The following PHACTR2 variants were observed in gnomAD, a reference collection of about 807,000 sequenced individuals.
PHACTR2 encodes phosphatase and actin regulator 2.
A neutral mutation model predicts 76.0 loss-of-function variants in PHACTR2; 30 were observed. The ratio of observed to expected loss-of-function variants is 0.39; its 90% CI spans 0.30 to 0.54. The LOEUF is 0.54. Among genes scored for constraint, PHACTR2 ranks in the 20% least tolerant of loss-of-function variants. The probability of loss-of-function intolerance (pLI) is 0.61; values close to 1 mark genes in which losing one functional copy is unlikely to be tolerated. For synonymous variants in PHACTR2, 292 were observed against 292.5 expected (o/e 1.00, Z 0.02); for missense variants, 696 against 781.1 (o/e 0.89, Z 1.30).
Position 143,678,016 on chromosome 6 carries a change from C to A in PHACTR2, c.-148C>A. 1 of 1,478,538 alleles carries A rather than the reference C, an allele frequency of 6.8e-7. No homozygotes were observed. The highest frequency in any genetic ancestry group is 9.0e-7 in the Non-Finnish European group (1 of 1,110,994). 91.6% of individuals were successfully genotyped at this position (1,478,538 alleles called of 1,614,324 possible). A position where few individuals can be genotyped will look rare whatever the true frequency, so the allele number is the denominator to read the frequency against. ...GGCTGCGGCCGGCCGGGCTGGGAGA[C>A]CCGCGCGGGGTAGAAGGTGAGGGGA... On this transcript the variant is annotated 5_prime_UTR_variant, in exon 1 of 13. Transcript: ENST00000440869. The surrounding 1 kb of genome is among the most constrained non-coding windows in gnomAD (Gnocchi z 6.2).
Position 143,753,528 on chromosome 6 carries a change from C to G in PHACTR2, c.296-226C>G, listed in dbSNP as rs1050621825. Among the ~76,000 whole-genome samples the G allele has an allele frequency of 3.3e-5, 5 of 152,122 alleles. No homozygotes were observed. Among genetic ancestry groups the G allele is most frequent in the African/African-American group, 1.2e-4 (5 of 41,418 alleles). Reference sequence around the variant, plus strand: ...TATTGGATAATTAGGATGATCATTCCTGTTGTCTTGAAATGGCGCATAGAT... The same window carrying G: ...TATTGGATAATTAGGATGATCATTCGTGTTGTCTTGAAATGGCGCATAGAT... On this transcript the variant is annotated intron_variant, in intron 3 of 12. Coordinates refer to ENST00000440869, the MANE Select transcript of PHACTR2 (RefSeq NM_001100164.2). This position sits in a 1 kb window ranked among gnomAD's most constrained non-coding sequence, Gnocchi z 4.6.
rs115391785 is a variant in PHACTR2, at chr6:143,624,733, G to A, written c.13+16411G>A. ...CCACGGTTGCCCTGGATCAGCTGAGGTGGTTACTAGAGAGGCTGAGTGTGT... is the reference window on the plus strand; with the variant it reads ...CCACGGTTGCCCTGGATCAGCTGAGATGGTTACTAGAGAGGCTGAGTGTGT... On this transcript the variant is annotated intron_variant, in intron 1 of 11. Coordinates refer to the PHACTR2 transcript ENST00000305766. This position sits in a 1 kb window ranked among gnomAD's most constrained non-coding sequence, Gnocchi z 4.6. Among the ~76,000 whole-genome samples the A allele has an allele frequency of 7.4e-3, 1,132 of 152,208 alleles. 19 individuals carry two copies. Among genetic ancestry groups the A allele is most frequent in the African/African-American group, 0.024 (1,014 of 41,538 alleles).
intron 1 of PHACTR2, among the ~76,000 whole-genome samples, chr6:143,572,214 C>T (rs1423355551): frequency 6.6e-6 from 1 of 152,196 alleles, no homozygotes; most frequent in Non-Finnish European, 1.5e-5. Flanking sequence ...TGCAGTTTAG[C>T]TCCTCACTGG....
chr6:143,769,270 G>A (rs1775036175), intron 6 of PHACTR2, among the ~76,000 whole-genome samples: 1 of 152,066 alleles, frequency 6.6e-6, no homozygotes, highest in Non-Finnish European at 1.5e-5. Flanking sequence ...AGCCCATTTG[G>A]AGGCCATATC....
Position 143,678,256 on chromosome 6 carries a change from G to T in PHACTR2, c.46+47G>T, listed in dbSNP as rs889248651. 7.1e-7 allele frequency: 1 copy of T among 1,407,752 alleles called. No individual in the cohort carries two copies. Among genetic ancestry groups the T allele is most frequent in the East Asian group, 3.0e-5 (1 of 33,540 alleles). 87.2% of individuals were successfully genotyped at this position (1,407,752 alleles called of 1,614,324 possible). ...TGCGCTCCCGCCGCGCGGGCGCAGG[G>T]CTGGCGGCGGGGCCCCGGGGCAGGC... is the stretch of plus-strand genomic sequence containing the variant. On this transcript the variant is annotated intron_variant, in intron 1 of 12. Transcript: ENST00000440869. The surrounding 1 kb of genome is among the most constrained non-coding windows in gnomAD (Gnocchi z 6.2).
chr6:143,772,150 C>T lies in PHACTR2; in HGVS notation c.1233-108C>T. 1 of 754,138 alleles carries T rather than the reference C, an allele frequency of 1.3e-6. No homozygotes were observed. The highest frequency in any genetic ancestry group is 2.5e-5 in the East Asian group (1 of 40,390). 46.7% of individuals were successfully genotyped at this position (754,138 alleles called of 1,614,324 possible). A position where few individuals can be genotyped will look rare whatever the true frequency, so the allele number is the denominator to read the frequency against. ...TGGCCTATGTCAAGTGTCTGCTTTC[C>T]TCAGCCTGAAGGAAGCCCATGAAAC... On this transcript the variant is annotated intron_variant, in intron 6 of 12. Transcript: ENST00000440869. The surrounding 1 kb of genome is among the most constrained non-coding windows in gnomAD (Gnocchi z 5.4).
At chr6:143,786,194 C>A (rs1482399277) in intron 10 of PHACTR2, among the ~76,000 whole-genome samples, 1 of 152,202 alleles carries the variant, frequency 6.6e-6, no homozygotes, top group Non-Finnish European at 1.5e-5. Flanking sequence ...TTAGAAATTT[C>A]TTCTGCCAGA....
In PHACTR2 at chr6:143,704,059, A is replaced by G. The variant is rs116994378; in HGVS notation, c.47-7957A>G. Among the ~76,000 whole-genome samples, 203 of 122,954 alleles carry G rather than the reference A, an allele frequency of 1.7e-3. 5 individuals carry two copies. The East Asian group carries it at 0.048, about 29-fold the overall frequency. 80.7% of individuals were successfully genotyped at this position (122,954 alleles called of 152,430 possible). A position where few individuals can be genotyped will look rare whatever the true frequency, so the allele number is the denominator to read the frequency against. ...CAGCCAGCCTTGATTTATTCACTTC[A>G]TGGTAAGTCCATCATGGGTGTGTGT... is the stretch of plus-strand genomic sequence containing the variant. On this transcript the variant is annotated intron_variant, in intron 1 of 12. Coordinates refer to ENST00000440869, the MANE Select transcript of PHACTR2 (RefSeq NM_001100164.2).
chr6:143,653,756 A>G lies in PHACTR2; in HGVS notation c.13+45434A>G, dbSNP rs948839932. Among the ~76,000 whole-genome samples, 5 of 152,282 alleles carry G rather than the reference A, an allele frequency of 3.3e-5. No homozygotes were observed. Among genetic ancestry groups the G allele is most frequent in the African/African-American group, 2.4e-5 (1 of 41,558 alleles). On this transcript the variant is annotated intron_variant, in intron 1 of 11. Transcript: ENST00000305766. The surrounding 1 kb of genome is among the most constrained non-coding windows in gnomAD (Gnocchi z 4.9). The stretch of plus-strand genomic sequence containing the variant: ...AGACCTAGATGTAAGAGCTAAAACT[A>G]TAACAGGCTTAGAAGAAAACATAGG...
chr6:143,628,696 G>A (rs1776301781), intron 1 of PHACTR2, among the ~76,000 whole-genome samples: 1 of 151,746 alleles, frequency 6.6e-6, no homozygotes, highest in Admixed American at 6.6e-5. Context: ...TGCCATATAA[G>A]GTACCATTTA....
Position 143,556,991 on chromosome 6 carries a change from G to C in PHACTR2, c.217+19784G>C, listed in dbSNP as rs753775280. Among the ~76,000 whole-genome samples the C allele has an allele frequency of 6.6e-6, 1 of 152,112 alleles. No homozygotes were observed. Among genetic ancestry groups the C allele is most frequent in the Non-Finnish European group, 1.5e-5 (1 of 68,028 alleles). On this transcript the variant is annotated intron_variant, in intron 1 of 11. Transcript: ENST00000367584. This position sits in a 1 kb window ranked among gnomAD's most constrained non-coding sequence, Gnocchi z 4.3. ...ACAAAAATGAGGCCAGAAAGAAAGG[G>C]CCTCCCTCCCTAACCCCAGCCTCAG... is the stretch of plus-strand genomic sequence containing the variant.
intron 1 of PHACTR2, among the ~76,000 whole-genome samples, chr6:143,632,312 T>C (rs1776375960): frequency 6.6e-6 from 1 of 152,256 alleles, no homozygotes; most frequent in Non-Finnish European, 1.5e-5. Flanking sequence ...TTCTATCTTG[T>C]ATTTTACCTA....
At chr6:143,729,552 T>TA (rs1280959843) in intron 2 of PHACTR2, among the ~76,000 whole-genome samples, 1 of 152,196 alleles carries the variant, frequency 6.6e-6, no homozygotes, top group East Asian at 1.9e-4. Flanking sequence ...TTTTTGCATG[T>TA]AAATGTCTAG....
chr6:143,556,696 G>A lies in PHACTR2; in HGVS notation c.217+19489G>A, dbSNP rs1275693559. Among the ~76,000 whole-genome samples the A allele has an allele frequency of 6.6e-6, 1 of 152,156 alleles. No homozygotes were observed. The highest frequency in any genetic ancestry group is 2.4e-5 in the African/African-American group (1 of 41,424). ...TCAGATTTGAACCTCTCAGCTCACA[G>A]GGTGCTAACTAGAGGAGAAGGAAGA... is the stretch of plus-strand genomic sequence containing the variant. On this transcript the variant is annotated intron_variant, in intron 1 of 11. Coordinates refer to the PHACTR2 transcript ENST00000367584. The surrounding 1 kb of genome is among the most constrained non-coding windows in gnomAD (Gnocchi z 4.3).
At position 143,803,817 on chromosome 6, in the gene PHACTR2, A is replaced by G. The variant is rs1776011585; in HGVS notation, c.1846-3240A>G. On this transcript the variant is annotated intron_variant, in intron 11 of 12. Coordinates refer to ENST00000440869, the MANE Select transcript of PHACTR2 (RefSeq NM_001100164.2). This position sits in a 1 kb window ranked among gnomAD's most constrained non-coding sequence, Gnocchi z 4.7. ...AAATAGAATGATGTCTTTTGTTTCC[A>G]AAGTCGATATACTAGAGCGTTGCGA... Among the ~76,000 whole-genome samples the G allele has an allele frequency of 6.6e-6, 1 of 152,218 alleles. No individual in the cohort carries two copies.
In PHACTR2 at chr6:143,713,296, A is replaced by G. The variant is rs184956865; in HGVS notation, c.214+1113A>G. On this transcript the variant is annotated intron_variant, in intron 2 of 12. Coordinates refer to ENST00000440869, the MANE Select transcript of PHACTR2 (RefSeq NM_001100164.2). ...ATTTAACAAGAAATAATGATAGGCTACCTGGAATTTGTTTCAAAATAATCC... is the reference window on the plus strand; with the variant it reads ...ATTTAACAAGAAATAATGATAGGCTGCCTGGAATTTGTTTCAAAATAATCC... Among the ~76,000 whole-genome samples the G allele has an allele frequency of 2.6e-5, 4 of 152,344 alleles. No homozygotes were observed. The East Asian group carries it at 7.7e-4, about 29-fold the overall frequency.
chr6:143,607,044 G>A (rs958475457), upstream of PHACTR2, among the ~76,000 whole-genome samples: 4 of 152,282 alleles, frequency 2.6e-5, no homozygotes, highest in African/African-American at 9.6e-5. Context: ...CTGTTACAAT[G>A]GGAAACTAGA....
chr6:143,700,486 C>T lies in PHACTR2; in HGVS notation c.47-11530C>T, dbSNP rs1294995644. On this transcript the variant is annotated intron_variant, in intron 1 of 12. Coordinates refer to ENST00000440869, the MANE Select transcript of PHACTR2 (RefSeq NM_001100164.2). The surrounding 1 kb of genome is among the most constrained non-coding windows in gnomAD (Gnocchi z 4.1). ...AAGAGAATCACTTGGACCCAGGAGC[C>T]GGAGGTTGCAGTGAGCTGAGATCTC... Among the ~76,000 whole-genome samples the T allele has an allele frequency of 2.0e-5, 3 of 152,126 alleles. No individual in the cohort carries two copies. Among genetic ancestry groups the T allele is most frequent in the African/African-American group, 4.8e-5 (2 of 41,504 alleles).
intron 1 of PHACTR2, among the ~76,000 whole-genome samples, chr6:143,620,446 A>G (rs202135776): frequency 1.1e-3 from 103 of 92,578 alleles, no homozygotes; most frequent in Middle Eastern, 5.4e-3. Context: ...TTTTTTTTGG[A>G]AAAAAAAAAT....
Sources: allele counts gnomAD v4.1 joint callset (sites outside exome capture counted in the v4.1 genomes callset), GRCh38; gene constraint gnomAD v4.1.1; non-coding constraint Gnocchi (gnomAD v3.1); transcripts MANE v1.5; gene names NCBI Gene and HGNC (gene_info 2026-07-23, HGNC 2026-07-21).